Variants in NMNAT2 observed in about 807,000 individuals in gnomAD.
The protein encoded by NMNAT2 is nicotinamide/nicotinic acid mononucleotide adenylyltransferase 2.
In NMNAT2, 11 loss-of-function variants were observed where a neutral mutation model predicts 41.6. The observed-to-expected ratio is 0.26, with a 90% CI of 0.17 to 0.44. NMNAT2 has a LOEUF of 0.44. Among genes scored for constraint, NMNAT2 ranks in the 20% least tolerant of loss-of-function variants. The probability of loss-of-function intolerance (pLI) is 1.00; values close to 1 mark genes in which losing one functional copy is unlikely to be tolerated. For missense variants in NMNAT2, 288 were observed against 407.7 expected, an observed-to-expected ratio of 0.71 and a Z score of 2.53; for synonymous variants, 148 against 151.2, an observed-to-expected ratio of 0.98 and a Z score of 0.16.
At chr1:183,300,416 A>AG (rs1055884109) in intron 1 of NMNAT2, among the ~76,000 whole-genome samples, 5 of 116,216 alleles carry the variant, frequency 4.3e-5, no homozygotes, top group African/African-American at 5.9e-5. Context: ...TCTAAAAAAA[A>AG]GAAAAAAAAA....
chr1:183,407,722 G>A lies in NMNAT2; in HGVS notation c.85+10461C>T, dbSNP rs546426878. On this transcript the variant is annotated intron_variant, in intron 1 of 10. Transcript: ENST00000287713. ...AACCAAGTGCTATCAACGTTCAGAG[G>A]GAAGTGAGATGCTGCAGAAAAACTA... Among the ~76,000 whole-genome samples, 201 of 152,240 alleles carry A rather than the reference G, an allele frequency of 1.3e-3. 1 individual carries two copies. The highest frequency in any genetic ancestry group is 4.7e-3 in the African/African-American group (196 of 41,528).
intron 1 of NMNAT2, among the ~76,000 whole-genome samples, chr1:183,411,532 G>A (rs1406194360): frequency 6.6e-6 from 1 of 152,038 alleles, no homozygotes; most frequent in Non-Finnish European, 1.5e-5. Flanking sequence ...TGAAACTCCT[G>A]ACCTCAAGTG....
intron 1 of NMNAT2, among the ~76,000 whole-genome samples, chr1:183,303,871 G>A (rs1661929717): frequency 6.6e-6 from 1 of 152,186 alleles, no homozygotes; most frequent in East Asian, 1.9e-4. Context: ...ATAAATACAG[G>A]CTAGTTATGG....
At chr1:183,320,415 C>T (rs1441373148) in intron 1 of NMNAT2, among the ~76,000 whole-genome samples, 1 of 152,134 alleles carries the variant, frequency 6.6e-6, no homozygotes, top group South Asian at 2.1e-4. Flanking sequence ...ACCAGCCTGG[C>T]CAACGTGGTG....
chr1:183,306,954 C>T (rs1384433649), intron 1 of NMNAT2, among the ~76,000 whole-genome samples: 2 of 151,938 alleles, frequency 1.3e-5, no homozygotes, highest in East Asian at 1.9e-4. Flanking sequence ...AGCACAGCAC[C>T]GGCACTCAGG....
chr1:183,284,676 A>G (rs1297356601), intron 6 of NMNAT2, 34 bp downstream of exon 6: 9 of 1,555,940 alleles, frequency 5.8e-6, no homozygotes, highest in Middle Eastern at 1.7e-4. Flanking sequence ...AAGAAAAGAG[A>G]CAGGACTGGG....
rs529312335 is a variant in NMNAT2, at chr1:183,390,376, T to A, written c.85+27807A>T. 4.6e-5 allele frequency among the ~76,000 whole-genome samples: 7 copies of A among 152,286 alleles called. No individual in the cohort carries two copies. In the East Asian group the frequency reaches 1.3e-3, roughly 29 times the overall value. ...CCCTCAGTCCTCAGTTTCCTTATTA[T>A]AACGGAGCTGAGCCTGAGAAAGCAT... On this transcript the variant is annotated intron_variant, in intron 1 of 10. Transcript: ENST00000287713.
intron 1 of NMNAT2, among the ~76,000 whole-genome samples, chr1:183,365,739 A>G (rs1202183122): frequency 2.7e-5 from 4 of 148,170 alleles, no homozygotes; most frequent in Non-Finnish European, 1.5e-5. Context: ...ACTCCATCTC[A>G]AAAAAAAAAG....
At chr1:183,388,783 T>C (rs909295975) in intron 1 of NMNAT2, among the ~76,000 whole-genome samples, 1 of 152,244 alleles carries the variant, frequency 6.6e-6, no homozygotes, top group Non-Finnish European at 1.5e-5. Context: ...AGAGACTTCA[T>C]TCTTGTTTAT....
intron 5 of NMNAT2, among the ~76,000 whole-genome samples, chr1:183,285,340 A>G (rs1050626187): frequency 6.6e-6 from 1 of 152,124 alleles, no homozygotes; most frequent in Admixed American, 6.5e-5. Context: ...AGCTACACCC[A>G]CATCCAAGGA....
At chr1:183,341,790 T>G (rs1446938111) in intron 1 of NMNAT2, among the ~76,000 whole-genome samples, 2 of 146,284 alleles carry the variant, frequency 1.4e-5, no homozygotes, top group Non-Finnish European at 3.0e-5. Context: ...CATGTGTTTA[T>G]GATTACTTTA....
At chr1:183,286,568 G>A (rs1571574274) in intron 5 of NMNAT2, 94 bp downstream of exon 5, 1 of 1,087,682 alleles carries the variant, frequency 9.2e-7, no homozygotes, top group South Asian at 1.7e-5. Context: ...CAGACCTACT[G>A]AATCAAGTTC....
intron 1 of NMNAT2, among the ~76,000 whole-genome samples, chr1:183,380,571 A>G (rs1365922316): frequency 1.3e-5 from 2 of 152,212 alleles, no homozygotes; most frequent in African/African-American, 4.8e-5. Context: ...TGACTATGGG[A>G]ATATGAGAGA....
At chr1:183,325,480 C>A (rs1053487713) in intron 1 of NMNAT2, among the ~76,000 whole-genome samples, 1 of 152,172 alleles carries the variant, frequency 6.6e-6, no homozygotes, top group South Asian at 2.1e-4. Context: ...TCAGGACTAT[C>A]TTTATGGTTT....
At chr1:183,405,005 G>A (rs1297493008) in intron 1 of NMNAT2, among the ~76,000 whole-genome samples, 1 of 152,200 alleles carries the variant, frequency 6.6e-6, no homozygotes, top group Non-Finnish European at 1.5e-5. Context: ...ATGATCATTT[G>A]AGTCCAGGAG....
At chr1:183,394,490 T>G (rs1648576324) in intron 1 of NMNAT2, among the ~76,000 whole-genome samples, 1 of 152,236 alleles carries the variant, frequency 6.6e-6, no homozygotes, top group South Asian at 2.1e-4. Flanking sequence ...TTGATTATTT[T>G]CTATTCTGTA....
chr1:183,279,635 G>A (rs1049041535), intron 7 of NMNAT2, among the ~76,000 whole-genome samples: 2 of 152,136 alleles, frequency 1.3e-5, no homozygotes, highest in South Asian at 2.1e-4. Flanking sequence ...GGGACCTGAC[G>A]AAGGCTTTCA....
At chr1:183,395,803 C>G (rs1648622671) in intron 1 of NMNAT2, among the ~76,000 whole-genome samples, 1 of 152,174 alleles carries the variant, frequency 6.6e-6, no homozygotes, top group South Asian at 2.1e-4. Context: ...GGCATTTCTG[C>G]CAACTGCAAT....
At chr1:183,371,362 G>A (rs1006524175) in intron 1 of NMNAT2, among the ~76,000 whole-genome samples, 2 of 152,188 alleles carry the variant, frequency 1.3e-5, no homozygotes, top group African/African-American at 2.4e-5. Flanking sequence ...TTAGGGCAAC[G>A]CAACTACTCT....
Sources: gnomAD v4.1 joint callset for allele counts (sites outside exome capture counted in the v4.1 genomes callset) on GRCh38, gnomAD v4.1.1 for gene constraint, MANE v1.5 for transcripts, NCBI Gene and HGNC (gene_info 2026-07-23, HGNC 2026-07-21) for gene names.